Variants in ICAM1 observed in about 807,000 individuals in gnomAD.
ICAM1 encodes the protein ICAM-1.
In ICAM1, 28 loss-of-function variants were observed where a neutral mutation model predicts 42.3. That is an observed-to-expected ratio of 0.66 (90% CI 0.49 to 0.91). The LOEUF is 0.91. Ranked by LOEUF, ICAM1 falls within the 40% of genes least tolerant of loss-of-function variation. ICAM1 has a pLI of 0.00. For synonymous variants in ICAM1, 304 were observed against 305.9 expected (o/e 0.99, Z 0.07); for missense variants, 637 against 688.6 (o/e 0.93, Z 0.84).
chr19:10,283,452 C>T, intron 2 of ICAM1, 29 bp from the exon 3 acceptor site: 1 of 1,520,682 alleles, frequency 6.6e-7, no homozygotes, highest in Non-Finnish European at 8.8e-7. Flanking sequence ...TCCACTTCAC[C>T]AGACACCCCC....
Position 10,284,388 on chromosome 19 carries a change from G to A in ICAM1, c.926-15G>A, listed in dbSNP as rs749258253. ...ACCTGAACCCGGGGCGGGGCTCACT[G>A]TGTGCCTATTCCAGGCTTTCCGGCG... is the stretch of plus-strand genomic sequence containing the variant. On this transcript the variant is annotated splice_polypyrimidine_tract_variant and intron_variant, in intron 4 of 6. Transcript: ENST00000264832. This position sits in a 1 kb window ranked among gnomAD's most constrained non-coding sequence, Gnocchi z 5.4. 1.7e-5 allele frequency: 27 copies of A among 1,612,380 alleles called. No individual in the cohort carries two copies. The highest frequency in any genetic ancestry group is 8.3e-5 in the Admixed American group (5 of 60,012).
chr19:10,271,299 A>G, intron 1 of ICAM1, 73 bp downstream of exon 1: 1 of 1,338,626 alleles, frequency 7.5e-7, no homozygotes, highest in Non-Finnish European at 1.1e-6. Context: ...GGGTCAGGTC[A>G]TGCATGCTTA....
chr19:10,277,808 C>G (rs1433579294), intron 2 of ICAM1, among the ~76,000 whole-genome samples: 2 of 152,204 alleles, frequency 1.3e-5, no homozygotes, highest in Non-Finnish European at 2.9e-5. Flanking sequence ...TTGCGTCCTT[C>G]CTACTTTGGG....
At chr19:10,285,084 A>G (rs2040093518) in intron 6 of ICAM1, 31 bp from the exon 7 acceptor site, 2 of 1,613,554 alleles carry the variant, frequency 1.2e-6, no homozygotes, top group South Asian at 1.1e-5. Flanking sequence ...ACCTAATGCA[A>G]TCCTCACCGC....
rs775888638 is a variant in ICAM1, at chr19:10,271,145, A to G, written c.-15A>G. ...GAGCTCCTCTGCTACTCAGAGTTGCAACCTCAGCCTCGCTATGGCTCCCAG... is the reference window on the plus strand; with the variant it reads ...GAGCTCCTCTGCTACTCAGAGTTGCGACCTCAGCCTCGCTATGGCTCCCAG... On this transcript the variant is annotated 5_prime_UTR_variant, in exon 1 of 7. Transcript: ENST00000264832. 4.4e-5 allele frequency: 71 copies of G among 1,611,544 alleles called. No homozygotes were observed. The highest frequency in any genetic ancestry group is 4.7e-5 in the Non-Finnish European group (56 of 1,179,166).
intron 1 of ICAM1, 124 bp from the exon 2 acceptor site, chr19:10,274,641 C>T: frequency 8.9e-6 from 10 of 1,125,484 alleles, no homozygotes; most frequent in Non-Finnish European, 1.2e-5. Context: ...CTTTAACTTC[C>T]ACATCGAAGG....
chr19:10,274,326 T>G (rs996803835), intron 1 of ICAM1, among the ~76,000 whole-genome samples: 30 of 151,136 alleles, frequency 2.0e-4, no homozygotes, highest in African/African-American at 7.1e-4. Flanking sequence ...TTTTTTTTTT[T>G]TTTTTGGAGA....
chr19:10,273,383 T>A (rs969485982), intron 1 of ICAM1, among the ~76,000 whole-genome samples: 34 of 151,872 alleles, frequency 2.2e-4, no homozygotes, highest in African/African-American at 6.0e-4. Flanking sequence ...TCCCAGCTAC[T>A]CGGGAGGCTG....
chr19:10,278,799 C>T (rs954542158), intron 2 of ICAM1, among the ~76,000 whole-genome samples: 2 of 152,010 alleles, frequency 1.3e-5, no homozygotes, highest in African/African-American at 4.8e-5. Flanking sequence ...GCCTCAGCCT[C>T]CCGAAGTGCT....
intron 2 of ICAM1, among the ~76,000 whole-genome samples, chr19:10,279,586 C>T (rs866930986): frequency 3.3e-5 from 5 of 151,878 alleles, no homozygotes; most frequent in African/African-American, 7.3e-5. Flanking sequence ...TGGGTTCAAC[C>T]GATTCTGCTG....
intron 1 of ICAM1, among the ~76,000 whole-genome samples, chr19:10,273,301 T>C (rs935222807): frequency 6.6e-6 from 1 of 152,014 alleles, no homozygotes; most frequent in African/African-American, 2.4e-5. Flanking sequence ...GAGACCAGCC[T>C]GACCAACATG....
chr19:10,273,995 C>G (rs1337574214), intron 1 of ICAM1, among the ~76,000 whole-genome samples: 1 of 149,234 alleles, frequency 6.7e-6, no homozygotes, highest in Non-Finnish European at 1.5e-5. Context: ...GTCTGAGTGA[C>G]AAAGCGAGAC....
Position 10,274,945 on chromosome 19 carries a change from A to G in ICAM1, c.248A>G (p.Asn83Ser), listed in dbSNP as rs1032707496. ...AACCGGAAGGTGTATGAACTGAGCA[A>G]TGTGCAAGAAGATAGCCAACCAATG... ...GNNRKVYELS[N>S]VQEDSQPMCY... The change falls in exon 2 of 7, where the codon AAT becomes AGT. Residue 83 changes from asparagine (N) to serine (S), a missense_variant. By Grantham distance (46) the Asn-to-Ser change is conservative. Coordinates refer to ENST00000264832, the MANE Select transcript of ICAM1 (RefSeq NM_000201.3). 18 of 1,614,092 alleles carry G rather than the reference A, an allele frequency of 1.1e-5. No homozygotes were observed. Among genetic ancestry groups the G allele is most frequent in the East Asian group, 1.1e-4 (5 of 44,888 alleles).
In ICAM1 at chr19:10,283,606, G is replaced by T; in HGVS notation, c.457G>T (p.Gly153Trp). 1 of 1,613,978 alleles carries T rather than the reference G, an allele frequency of 6.2e-7. No homozygotes were observed. Among genetic ancestry groups the T allele is most frequent in the East Asian group, 2.2e-5 (1 of 44,876 alleles). The change falls in exon 3 of 7, where the codon GGG becomes TGG. Residue 153 changes from glycine to tryptophan, a missense_variant. Gly to Trp is a radical substitution (Grantham distance 184). Transcript: ENST00000264832. The stretch of plus-strand genomic sequence containing the variant: ...CAACCTCACCGTGGTGCTGCTCCGT[G>T]GGGAGAAGGAGCTGAAACGGGAGCC... ...RANLTVVLLRGEKELKREPAV... is the reference protein window; with the variant it reads ...RANLTVVLLRWEKELKREPAV...
At chr19:10,272,136 A>C (rs1340233539) in intron 1 of ICAM1, among the ~76,000 whole-genome samples, 1 of 152,094 alleles carries the variant, frequency 6.6e-6, no homozygotes, top group Non-Finnish European at 1.5e-5. Context: ...AAATACAAAA[A>C]TTAGCTGGCA....
At position 10,271,199 on chromosome 19, in the gene ICAM1, C is replaced by T. The variant is rs2145486068; in HGVS notation, c.40C>T (p.Leu14=). ...SSPRPALPAL[L]VLLGALFPGP... is the part of the protein sequence containing the mutation. Reference sequence around the variant, plus strand: ...CCCCCGGCCCGCGCTGCCCGCACTCCTGGTCCTGCTCGGGGCTCTGTTCCC... The same window carrying T: ...CCCCCGGCCCGCGCTGCCCGCACTCTTGGTCCTGCTCGGGGCTCTGTTCCC... Residue 14 remains leucine (L), a synonymous_variant, in exon 1 of 7, where the codon CTG becomes TTG. Transcript: ENST00000264832. 6 of 1,613,510 alleles carry T rather than the reference C, an allele frequency of 3.7e-6. No individual in the cohort carries two copies. The highest frequency in any genetic ancestry group is 5.1e-6 in the Non-Finnish European group (6 of 1,179,884).
chr19:10,276,892 T>C (rs1287583944), intron 2 of ICAM1, among the ~76,000 whole-genome samples: 2 of 150,656 alleles, frequency 1.3e-5, no homozygotes, highest in Non-Finnish European at 1.5e-5. Context: ...GGAGAATCTC[T>C]TGAAACTGGG....
At position 10,274,884 on chromosome 19, in the gene ICAM1, C is replaced by T. The variant is rs1468617162; in HGVS notation, c.187C>T (p.Pro63Ser). The T allele has an allele frequency of 6.2e-7, 1 of 1,614,226 alleles. No homozygotes were observed. Among genetic ancestry groups the T allele is most frequent in the Admixed American group, 1.7e-5 (1 of 60,022 alleles). Reference protein sequence around the residue: ...DQPKLLGIETPLPKKELLLPG... With the variant: ...DQPKLLGIETSLPKKELLLPG... ...GCCCAAGTTGTTGGGCATAGAGACC[C>T]CGTTGCCTAAAAAGGAGTTGCTCCT... The change falls in exon 2 of 7, where the codon CCG becomes TCG. Residue 63 changes from proline to serine, a missense_variant. Physicochemically the swap from Pro to Ser is moderately conservative, Grantham distance 74. Transcript: ENST00000264832.
At chr19:10,277,428 C>T (rs2040025503) in intron 2 of ICAM1, among the ~76,000 whole-genome samples, 1 of 152,038 alleles carries the variant, frequency 6.6e-6, no homozygotes, top group Non-Finnish European at 1.5e-5. Flanking sequence ...ATCCGCCCGC[C>T]TCGGCCTCCC....
Sources: allele counts gnomAD v4.1 joint callset (sites outside exome capture counted in the v4.1 genomes callset), GRCh38; gene constraint gnomAD v4.1.1; non-coding constraint Gnocchi (gnomAD v3.1); transcripts MANE v1.5; gene names NCBI Gene and HGNC (gene_info 2026-07-23, HGNC 2026-07-21).